Variants in PCBP3 observed in about 807,000 individuals in gnomAD.
PCBP3 encodes poly(rC)-binding protein 3.
A neutral mutation model predicts 52.7 loss-of-function variants in PCBP3; 25 were observed. That is an observed-to-expected ratio of 0.47 (90% CI 0.35 to 0.66). PCBP3 has a LOEUF of 0.66. Among genes scored for constraint, PCBP3 ranks in the 30% least tolerant of loss-of-function variants. PCBP3 has a pLI of 0.01. For synonymous variants in PCBP3, 162 were observed against 183.0 expected, an observed-to-expected ratio of 0.89 and a Z score of 0.93; for missense variants, 391 against 490.3, an observed-to-expected ratio of 0.80 and a Z score of 1.91.
chr21:45,820,509 C>G (rs926835507), intron 4 of PCBP3, among the ~76,000 whole-genome samples: 1 of 152,230 alleles, frequency 6.6e-6, no homozygotes, highest in African/African-American at 2.4e-5. Context: ...TTGGGTTCTG[C>G]GGGCCACACG....
At chr21:45,687,016 A>G (rs1309729742) in intron 2 of PCBP3, among the ~76,000 whole-genome samples, 2 of 152,172 alleles carry the variant, frequency 1.3e-5, no homozygotes, top group African/African-American at 4.8e-5. Flanking sequence ...TAAGAGCAAT[A>G]AACCCACAAT....
At chr21:45,789,313 TGA>T (rs1310513006) in intron 4 of PCBP3, among the ~76,000 whole-genome samples, 1 of 152,006 alleles carries the variant, frequency 6.6e-6, no homozygotes, top group Non-Finnish European at 1.5e-5. Flanking sequence ...TGTGCGAGGG[TGA>T]GTGTGTGCAT....
At position 45,710,830 on chromosome 21, in the gene PCBP3, A is replaced by G. The variant is rs114031313; in HGVS notation, c.-199-24562A>G. Among the ~76,000 whole-genome samples the G allele has an allele frequency of 2.7e-3, 409 of 152,212 alleles. 3 individuals are homozygous for G. Among genetic ancestry groups the G allele is most frequent in the African/African-American group, 9.2e-3 (381 of 41,524 alleles). ...GCTCTCACACTTATTTATTTTTCCAATCATTTATTTATTTAAGCATGAACG... is the reference window on the plus strand; with the variant it reads ...GCTCTCACACTTATTTATTTTTCCAGTCATTTATTTATTTAAGCATGAACG... On this transcript the variant is annotated intron_variant, in intron 2 of 17. Coordinates refer to ENST00000681687, the MANE Select transcript of PCBP3 (RefSeq NM_001384156.1).
intron 5 of PCBP3, among the ~76,000 whole-genome samples, chr21:45,867,469 T>TA (rs2094788629): frequency 6.6e-6 from 1 of 152,256 alleles, no homozygotes. Flanking sequence ...GCGCACCTGC[T>TA]ACCCCTGCTA....
At chr21:45,915,479 C>T (rs752346614) in intron 12 of PCBP3, 3 of 152,112 alleles carry the variant, frequency 2.0e-5, no homozygotes, top group African/African-American at 4.8e-5. Context: ...GGATTTTTTT[C>T]AAAAGGAAGG....
At chr21:45,733,263 T>C (rs1330612252) in intron 2 of PCBP3, among the ~76,000 whole-genome samples, 1 of 152,208 alleles carries the variant, frequency 6.6e-6, no homozygotes, top group Non-Finnish European at 1.5e-5. Context: ...ACATATACAA[T>C]GTATTTATGA....
chr21:45,731,752 A>C (rs906430827), intron 2 of PCBP3, among the ~76,000 whole-genome samples: 3 of 152,200 alleles, frequency 2.0e-5, no homozygotes, highest in Admixed American at 1.3e-4. Context: ...AAGTAATATC[A>C]TACCAGTTCA....
chr21:45,684,894 A>G (rs1461093617), intron 2 of PCBP3, among the ~76,000 whole-genome samples: 2 of 152,230 alleles, frequency 1.3e-5, no homozygotes, highest in Admixed American at 1.3e-4. Flanking sequence ...TAGTGTTTAT[A>G]GTGATTTACA....
chr21:45,892,261 C>CTGGT (rs2095686103), intron 5 of PCBP3, among the ~76,000 whole-genome samples: 2 of 152,188 alleles, frequency 1.3e-5, no homozygotes, highest in Non-Finnish European at 2.9e-5. Context: ...GTCACCGTTT[C>CTGGT]CTGTCTTCTG....
chr21:45,701,823 G>T (rs748396438), intron 2 of PCBP3, among the ~76,000 whole-genome samples: 11 of 152,180 alleles, frequency 7.2e-5, no homozygotes, highest in Non-Finnish European at 1.2e-4. Flanking sequence ...GCCTCCCAAA[G>T]TTCTGGGATT....
At chr21:45,718,614 C>T (rs1467678282) in intron 2 of PCBP3, among the ~76,000 whole-genome samples, 1 of 152,066 alleles carries the variant, frequency 6.6e-6, no homozygotes, top group Non-Finnish European at 1.5e-5. Flanking sequence ...TGCCACAATG[C>T]TCACTGTTCT....
At chr21:45,645,444 A>G (rs533756235) in intron 1 of PCBP3, among the ~76,000 whole-genome samples, 8 of 152,324 alleles carry the variant, frequency 5.3e-5, no homozygotes, top group Non-Finnish European at 1.2e-4. Context: ...GCGTTGCCCC[A>G]GGTGCTGCTG....
intron 3 of PCBP3, among the ~76,000 whole-genome samples, chr21:45,746,102 T>C (rs28529627): frequency 0.085 from 7,958 of 94,080 alleles, 1,933 homozygotes; most frequent in African/African-American, 0.13. Context: ...TCAGCATCGC[T>C]GTGTCAGTCC....
intron 4 of PCBP3, among the ~76,000 whole-genome samples, chr21:45,786,554 G>A (rs2091177311): frequency 6.6e-6 from 1 of 152,210 alleles, no homozygotes; most frequent in African/African-American, 2.4e-5. Flanking sequence ...GCCTCCCAAA[G>A]TGCTGGGATT....
chr21:45,659,215 A>G (rs1420764108), intron 1 of PCBP3, among the ~76,000 whole-genome samples: 3 of 151,592 alleles, frequency 2.0e-5, no homozygotes, highest in South Asian at 2.1e-4. Context: ...CTTAAGGTAG[A>G]ACGTTAGGTT....
Position 45,935,174 on chromosome 21 carries a change from G to A in PCBP3, c.857-79G>A. On this transcript the variant is annotated intron_variant, in intron 15 of 17. Transcript: ENST00000681687. Reference sequence around the variant, plus strand: ...CTACAGCCCTGTCTCACTTGACCCAGGAGAGTGAGGGACAGGCACTGGAGT... The same window carrying A: ...CTACAGCCCTGTCTCACTTGACCCAAGAGAGTGAGGGACAGGCACTGGAGT... 4 of 983,698 alleles carry A rather than the reference G, an allele frequency of 4.1e-6. No individual in the cohort carries two copies. The South Asian group carries it at 5.6e-5, about 14-fold the overall frequency. 60.9% of individuals were successfully genotyped at this position (983,698 alleles called of 1,614,324 possible).
intron 5 of PCBP3, among the ~76,000 whole-genome samples, chr21:45,851,253 G>A (rs969376485): frequency 7.9e-5 from 12 of 152,244 alleles, no homozygotes; most frequent in African/African-American, 2.2e-4. Flanking sequence ...GGTGGCTCAC[G>A]CCTGTAATCC....
chr21:45,672,426 G>T (rs2081230192), intron 2 of PCBP3, among the ~76,000 whole-genome samples: 1 of 151,968 alleles, frequency 6.6e-6, no homozygotes, highest in African/African-American at 2.4e-5. Flanking sequence ...CCTGCTTTCT[G>T]CTTGTGGAAG....
intron 1 of PCBP3, among the ~76,000 whole-genome samples, chr21:45,657,823 A>G (rs981541927): frequency 2.6e-5 from 4 of 152,142 alleles, no homozygotes; most frequent in Non-Finnish European, 5.9e-5. Flanking sequence ...ATTCCTGAGG[A>G]TTTTTTATAT....
Sources: allele counts gnomAD v4.1 joint callset (sites outside exome capture counted in the v4.1 genomes callset), GRCh38; gene constraint gnomAD v4.1.1; transcripts MANE v1.5; gene names NCBI Gene and HGNC (gene_info 2026-07-23, HGNC 2026-07-21).